ELFN2: variants seen among roughly 807,000 people sequenced by gnomAD.
ELFN2 encodes the protein protein phosphatase 1 regulatory subunit 29.
In ELFN2, 17 loss-of-function variants were observed where a neutral mutation model predicts 45.5. The observed-to-expected ratio is 0.37, with a 90% CI of 0.26 to 0.56. The LOEUF is 0.56. Ranked by LOEUF, ELFN2 falls within the 20% of genes least tolerant of loss-of-function variation. ELFN2 has a pLI of 0.77. For synonymous variants in ELFN2, 550 were observed against 551.5 expected, an observed-to-expected ratio of 1.00 and a Z score of 0.04; for missense variants, 922 against 1,183.2, an observed-to-expected ratio of 0.78 and a Z score of 3.24.
At chr22:37,421,693 C>G (rs946817083) in intron 1 of ELFN2, among the ~76,000 whole-genome samples, 3 of 152,214 alleles carry the variant, frequency 2.0e-5, no homozygotes, top group Non-Finnish European at 4.4e-5. Context: ...CACGCGCCAT[C>G]TGAATGCAAA....
intron 1 of ELFN2, among the ~76,000 whole-genome samples, chr22:37,423,194 G>C (rs1157123118): frequency 3.3e-5 from 5 of 152,152 alleles, no homozygotes; most frequent in Admixed American, 2.0e-4. Flanking sequence ...GGGAGCAAAG[G>C]GCTGCCTTTG....
At chr22:37,404,188 G>A (rs1932438196) in intron 2 of ELFN2, among the ~76,000 whole-genome samples, 1 of 152,226 alleles carries the variant, frequency 6.6e-6, no homozygotes, top group African/African-American at 2.4e-5. Context: ...TGGCCCAAGG[G>A]CAGTGGGGAG....
chr22:37,350,553 C>T (rs1930798436), intron 1 of ELFN2, among the ~76,000 whole-genome samples: 1 of 150,692 alleles, frequency 6.6e-6, no homozygotes, highest in Admixed American at 6.6e-5. Flanking sequence ...TGCCTCCCCA[C>T]CGCAGGGCCC....
At chr22:37,419,650 C>A (rs1364694958) in intron 1 of ELFN2, among the ~76,000 whole-genome samples, 1 of 152,156 alleles carries the variant, frequency 6.6e-6, no homozygotes, top group Non-Finnish European at 1.5e-5. Context: ...GGACACGGGG[C>A]CCCCAACATA....
rs781107766 is a variant in ELFN2, at chr22:37,373,410, G to A, written c.2125C>T (p.Arg709Trp). 3.8e-6 allele frequency: 6 copies of A among 1,587,894 alleles called. No individual in the cohort carries two copies. The highest frequency in any genetic ancestry group is 4.6e-5 in the East Asian group (2 of 43,636). Residue 709 changes from arginine to tryptophan, a missense_variant, in exon 3 of 3, where the codon CGG (arginine) becomes TGG (tryptophan). Physicochemically the swap from Arg to Trp is moderately radical, Grantham distance 101 (BLOSUM62 -3). Transcript: ENST00000402918. ...VKPAYHCSEH[R>W]HSFPALYYEE... is the part of the protein sequence containing the mutation. ...TAGTACAGGGCGGGAAAGCTGTGCC[G>A]GTGCTCGCTGCAGTGGTAGGCCGGC... is the stretch of plus-strand genomic sequence containing the variant.
At chr22:37,380,645 C>T (rs1273137071) in intron 2 of ELFN2, among the ~76,000 whole-genome samples, 2 of 152,122 alleles carry the variant, frequency 1.3e-5, no homozygotes, top group African/African-American at 2.4e-5. Flanking sequence ...CCAAGGCTCC[C>T]GGAGGTGTCA....
At chr22:37,396,725 G>A (rs978924375) in intron 2 of ELFN2, among the ~76,000 whole-genome samples, 15 of 151,918 alleles carry the variant, frequency 9.9e-5, no homozygotes, top group Non-Finnish European at 2.9e-5. Flanking sequence ...TGGCACCCTC[G>A]TCTGCCCTCT....
intron 2 of ELFN2, among the ~76,000 whole-genome samples, chr22:37,382,699 G>C (rs1464661665): frequency 6.6e-6 from 1 of 151,958 alleles, no homozygotes; most frequent in African/African-American, 2.4e-5. Context: ...ATAGGCGCAT[G>C]CCACGACGCC....
chr22:37,369,436 A>G lies in ELFN2; in HGVS notation c.*3636T>C, dbSNP rs1205316851. 1 of 152,116 alleles carries G rather than the reference A, an allele frequency of 6.6e-6. No homozygotes were observed. The highest frequency in any genetic ancestry group is 2.4e-5 in the African/African-American group (1 of 41,374). 9.4% of individuals were successfully genotyped at this position (152,116 alleles called of 1,614,324 possible). A position where few individuals can be genotyped will look rare whatever the true frequency, so the allele number is the denominator to read the frequency against. Reference sequence around the variant, plus strand: ...CCCAGCCTGGACACAGGCTGCTCCCACAGGCCTCCTGCACTGCCTCAGGAG... The same window carrying G: ...CCCAGCCTGGACACAGGCTGCTCCCGCAGGCCTCCTGCACTGCCTCAGGAG... On this transcript the variant is annotated 3_prime_UTR_variant, in exon 3 of 3. Coordinates refer to ENST00000402918, the MANE Select transcript of ELFN2 (RefSeq NM_052906.5).
chr22:37,343,254 C>T (rs977586309), intron 1 of ELFN2, among the ~76,000 whole-genome samples: 1 of 152,136 alleles, frequency 6.6e-6, no homozygotes, highest in African/African-American at 2.4e-5. Context: ...GGTGGGGGCC[C>T]CAGCTGCAAC....
At chr22:37,399,942 A>T (rs1431030499) in intron 2 of ELFN2, among the ~76,000 whole-genome samples, 1 of 152,166 alleles carries the variant, frequency 6.6e-6, no homozygotes, top group East Asian at 1.9e-4. Context: ...TCAAACCAGC[A>T]TCATTCGCAA....
At position 37,417,717 on chromosome 22, in the gene ELFN2, G is replaced by A. The variant is rs556075455; in HGVS notation, c.-463+52C>T. 2.0e-4 allele frequency: 30 copies of A among 152,726 alleles called. No homozygotes were observed. Among genetic ancestry groups the A allele is most frequent in the African/African-American group, 7.0e-4 (29 of 41,610 alleles). 9.5% of individuals were successfully genotyped at this position (152,726 alleles called of 1,614,324 possible). On this transcript the variant is annotated intron_variant, in intron 2 of 2. Coordinates refer to ENST00000402918, the MANE Select transcript of ELFN2 (RefSeq NM_052906.5). This position sits in a 1 kb window ranked among gnomAD's most constrained non-coding sequence, Gnocchi z 4.5. ...AGGTTTGCAAGGCCGGGTCATGTGAGCTATGCTCACAGACAGCGACACACA... is the reference window on the plus strand; with the variant it reads ...AGGTTTGCAAGGCCGGGTCATGTGAACTATGCTCACAGACAGCGACACACA...
At position 37,405,839 on chromosome 22, in the gene ELFN2, GA is replaced by G. The variant is rs370278691; in HGVS notation, c.-463+11929del. On this transcript the variant is annotated intron_variant, in intron 2 of 2. Transcript: ENST00000402918. ...CCCTTTAGGAAAAAAAAAAAGGGTG[GA>G]GGGGGGGTGGTCCTGGGCAGGCACA... Among the ~76,000 whole-genome samples the G allele has an allele frequency of 8.6e-3, 1,295 of 149,866 alleles. 43 individuals carry two copies. Among genetic ancestry groups the G allele is most frequent in the Middle Eastern group, 0.021 (6 of 292 alleles).
At chr22:37,378,901 G>A (rs1450502751) in intron 2 of ELFN2, among the ~76,000 whole-genome samples, 3 of 152,232 alleles carry the variant, frequency 2.0e-5, no homozygotes, top group African/African-American at 4.8e-5. Flanking sequence ...GGGGGTGGGG[G>A]CAGCAGCCTG....
Position 37,417,964 on chromosome 22 carries a change from G to A in ELFN2, c.-613-45C>T, listed in dbSNP as rs978756365. On this transcript the variant is annotated intron_variant, in intron 1 of 2. Coordinates refer to ENST00000402918, the MANE Select transcript of ELFN2 (RefSeq NM_052906.5). The surrounding 1 kb of genome is among the most constrained non-coding windows in gnomAD (Gnocchi z 4.5). ...AGAGAGGGGAGGGAGGGAGAGAAGG[G>A]GAGGAGAGGGAGGGGGGACAGCAGG... 2.6e-5 allele frequency: 4 copies of A among 152,110 alleles called. No homozygotes were observed. The highest frequency in any genetic ancestry group is 4.4e-5 in the Non-Finnish European group (3 of 68,054). The allele number at this position is 152,110 out of a possible 1,614,324, so 9.4% of individuals were successfully genotyped here.
rs780903748 is a variant in ELFN2 at position 37,374,177 on chromosome 22, A to G, written c.1358T>C (p.Val453Ala). Residue 453 changes from valine to alanine, a missense_variant, in exon 3 of 3, where the codon GTG (valine) becomes GCG (alanine). Physicochemically the swap from Val to Ala is moderately conservative, Grantham distance 64. Around this residue, in one of 2 missense-constraint regions of ELFN2, gnomAD observed 564 missense variants for 642.8 expected, o/e 0.88. Transcript: ENST00000402918. ...YGADVDAGSI[V>A]HAAQKLGEPP... ...CTCGCCCAGCTTCTGGGCGGCGTGC[A>G]CAATGGAGCCGGCATCCACATCAGC... is the stretch of plus-strand genomic sequence containing the variant. 1 of 1,613,162 alleles carries G rather than the reference A, an allele frequency of 6.2e-7. No individual in the cohort carries two copies. Among genetic ancestry groups the G allele is most frequent in the Non-Finnish European group, 8.5e-7 (1 of 1,180,012 alleles).
At chr22:37,378,912 T>A (rs1211250413) in intron 2 of ELFN2, among the ~76,000 whole-genome samples, 1 of 152,172 alleles carries the variant, frequency 6.6e-6, no homozygotes, top group African/African-American at 2.4e-5. Flanking sequence ...CAGCAGCCTG[T>A]CCTCTCAGGT....
intron 2 of ELFN2, among the ~76,000 whole-genome samples, chr22:37,400,831 GGCATTAGCCTGAAAGT>G (rs1440204166): frequency 1.3e-5 from 2 of 152,208 alleles, no homozygotes; most frequent in Non-Finnish European, 2.9e-5. Context: ...ATCAAACGAG[GGCATTAGCCTGAAAGT>G]GCTTTCAAAA....
chr22:37,342,598 C>T (rs1038822645), intron 2 of ELFN2: 3 of 134,158 alleles, frequency 2.2e-5, no homozygotes, highest in African/African-American at 9.4e-5. Flanking sequence ...TGGGTTTTTC[C>T]ACCTTGTTCT....
Sources: allele counts gnomAD v4.1 joint callset (sites outside exome capture counted in the v4.1 genomes callset), GRCh38; gene constraint gnomAD v4.1.1; regional missense constraint gnomAD v4.1.1; non-coding constraint Gnocchi (gnomAD v3.1); transcripts MANE v1.5; gene names NCBI Gene and HGNC (gene_info 2026-07-23, HGNC 2026-07-21).